The following RAI1 variants were observed in gnomAD, a reference collection of about 807,000 sequenced individuals.
RAI1 encodes the protein retinoic acid-induced protein 1.
A neutral mutation model predicts 123.8 loss-of-function variants in RAI1; 9 were observed. That is an observed-to-expected ratio of 0.07 (90% CI 0.04 to 0.13). The LOEUF (loss-of-function observed/expected upper bound fraction) is 0.13. RAI1 is among the 10% of genes least tolerant of loss of function. RAI1 has a pLI of 1.00. For missense variants in RAI1, 2,256 were observed against 2,545.8 expected, an observed-to-expected ratio of 0.89 and a Z score of 2.45; for synonymous variants, 1,231 against 1,127.3, an observed-to-expected ratio of 1.09 and a Z score of -1.84.
At chr17:17,688,045 A>G (rs955711152) in intron 1 of RAI1, among the ~76,000 whole-genome samples, 22 of 139,264 alleles carry the variant, frequency 1.6e-4, no homozygotes, top group African/African-American at 5.7e-4. Flanking sequence ...AAAAAAAAAA[A>G]AGTGAGTGTT....
chr17:17,681,954 T>G, intron 1 of RAI1, among the ~76,000 whole-genome samples, 161 bp downstream of exon 1: 1 of 148,110 alleles, frequency 6.8e-6, no homozygotes, highest in South Asian at 2.2e-4. Context: ...GGTCCTTGCT[T>G]TGTGTGGTGT....
intron 2 of RAI1, among the ~76,000 whole-genome samples, chr17:17,791,092 G>T (rs2031996055): frequency 6.6e-6 from 1 of 152,248 alleles, no homozygotes; most frequent in Non-Finnish European, 1.5e-5. Flanking sequence ...AGGGAAAGCG[G>T]CTTTGATAAG....
intron 2 of RAI1, chr17:17,770,737 A>G (rs1393330888): frequency 1.3e-5 from 2 of 152,288 alleles, no homozygotes; most frequent in Admixed American, 6.5e-5. Flanking sequence ...GGGTGCTCAC[A>G]CACCCTGCCG....
chr17:17,791,756 T>C (rs911900646), intron 2 of RAI1, among the ~76,000 whole-genome samples: 1 of 152,122 alleles, frequency 6.6e-6, no homozygotes, highest in African/African-American at 2.4e-5. Flanking sequence ...CATCCCTCTT[T>C]GAGGGGTCTT....
chr17:17,775,072 T>C (rs1446381097), intron 2 of RAI1, among the ~76,000 whole-genome samples: 1 of 152,146 alleles, frequency 6.6e-6, no homozygotes, highest in Non-Finnish European at 1.5e-5. Context: ...AAGGAAAGCA[T>C]ATTGCAGGTA....
rs550056104 is a variant in RAI1 at position 17,726,188 on chromosome 17, T to C, written c.-17+2029T>C. 1.3e-3 allele frequency among the ~76,000 whole-genome samples: 195 copies of C among 152,066 alleles called. 1 individual carries two copies. The highest frequency in any genetic ancestry group is 4.5e-3 in the African/African-American group (186 of 41,442). The stretch of plus-strand genomic sequence containing the variant: ...GAAGAGGGGTTACAAGCCAGGGCCA[T>C]CGGAAACTGGAAGGGAAGTCGCCAT... On this transcript the variant is annotated intron_variant, in intron 2 of 5. Transcript: ENST00000353383.
chr17:17,736,045 C>T (rs886450138), intron 2 of RAI1, among the ~76,000 whole-genome samples: 8 of 152,094 alleles, frequency 5.3e-5, no homozygotes, highest in South Asian at 2.1e-4. Flanking sequence ...TGTACTTGTG[C>T]GGGTGGGGCT....
In RAI1 at chr17:17,798,465, C is replaced by A. The variant is rs377747563; in HGVS notation, c.5517C>A (p.Ala1839=). 9 of 1,606,054 alleles carry A rather than the reference C, an allele frequency of 5.6e-6. No homozygotes were observed. The African/African-American group carries it at 1.2e-4, about 21-fold the overall frequency. ...AVWTGGVYLV[A]GKLFGLQEAM... ...GGACCGGCGGCGTCTACCTGGTGGC[C>A]GGGAAGCTCTTTGGGCTGCAGGAGG... is the stretch of plus-strand genomic sequence containing the variant. Residue 1839 remains alanine, a synonymous_variant, in exon 3 of 6, where the codon GCC becomes GCA. Coordinates refer to ENST00000353383, the MANE Select transcript of RAI1 (RefSeq NM_030665.4).
At chr17:17,753,594 G>T (rs1312909939) in intron 2 of RAI1, among the ~76,000 whole-genome samples, 3 of 152,158 alleles carry the variant, frequency 2.0e-5, no homozygotes, top group Admixed American at 6.5e-5. Context: ...AGCTTTGCTG[G>T]GTGCTATAAA....
Position 17,809,119 on chromosome 17 carries a change from TGAGGA to T in RAI1, c.5660-269_5660-265del. 2 of 541,830 alleles carry T rather than the reference TGAGGA, an allele frequency of 3.7e-6. No homozygotes were observed. The highest frequency in any genetic ancestry group is 6.7e-6 in the Non-Finnish European group (2 of 298,014). The allele number at this position is 541,830 out of a possible 1,614,324, so 33.6% of individuals were successfully genotyped here. On this transcript the variant is annotated intron_variant, in intron 4 of 5. Transcript: ENST00000353383. This position sits in a 1 kb window ranked among gnomAD's most constrained non-coding sequence, Gnocchi z 4.9. ...GGAGGGACTGAGGGACTGCCTCAAG[TGAGGA>T]GGGGCGGCACGTGGAACTCAGGGGG... is the stretch of plus-strand genomic sequence containing the variant.
intron 2 of RAI1, among the ~76,000 whole-genome samples, chr17:17,732,002 T>C (rs1041338936): frequency 3.4e-5 from 5 of 149,048 alleles, no homozygotes; most frequent in Non-Finnish European, 4.5e-5. Flanking sequence ...GAGGTGGTGG[T>C]GGGGGGAATA....
chr17:17,690,842 A>G (rs1246036961), intron 1 of RAI1, among the ~76,000 whole-genome samples: 2 of 152,182 alleles, frequency 1.3e-5, no homozygotes, highest in Non-Finnish European at 2.9e-5. Context: ...TCCTGTAGCA[A>G]AGTCACCCAG....
At chr17:17,729,835 C>T (rs1040615103) in intron 2 of RAI1, among the ~76,000 whole-genome samples, 2 of 152,196 alleles carry the variant, frequency 1.3e-5, no homozygotes, top group Non-Finnish European at 2.9e-5. Flanking sequence ...ACTGTCATCT[C>T]AGCATGAGCC....
chr17:17,792,899 C>G, intron 2 of RAI1, 34 bp from the exon 3 acceptor site: 2 of 460,318 alleles, frequency 4.3e-6, no homozygotes, highest in East Asian at 6.5e-5. Context: ...CTCCCTCCTT[C>G]CCTCCCTCCC....
In RAI1 at chr17:17,795,930, G is replaced by A. The variant is rs529394637; in HGVS notation, c.2982G>A (p.Arg994=). ...TCGCAAAGAAAGAGCCTGTGCCACG[G>A]GGCAAAAGCTTACGGAGCCGTCGGG... ...APIAKKEPVP[R]GKSLRSRRVH... Residue 994 remains arginine, a synonymous_variant, in exon 3 of 6, where the codon CGG becomes CGA. Coordinates refer to ENST00000353383, the MANE Select transcript of RAI1 (RefSeq NM_030665.4). This position sits in a 1 kb window ranked among gnomAD's most constrained non-coding sequence, Gnocchi z 5.9. The A allele has an allele frequency of 3.7e-6, 6 of 1,609,474 alleles. No homozygotes were observed. In the Admixed American group the frequency reaches 5.0e-5, roughly 13 times the overall value.
At chr17:17,742,415 TTGAATGAATGAA>T (rs367761123) in intron 2 of RAI1, among the ~76,000 whole-genome samples, 2 of 152,010 alleles carry the variant, frequency 1.3e-5, no homozygotes, top group African/African-American at 4.8e-5. Context: ...AGATCTTGGT[TTGAATGAATGAA>T]TGAATGAATG....
chr17:17,745,334 G>A (rs970439567), intron 2 of RAI1, among the ~76,000 whole-genome samples: 1 of 151,790 alleles, frequency 6.6e-6, no homozygotes, highest in Non-Finnish European at 1.5e-5. Context: ...CCACCAAGGG[G>A]TTCTGGATCT....
At chr17:17,737,794 C>A (rs1045597055) in intron 2 of RAI1, among the ~76,000 whole-genome samples, 8 of 152,206 alleles carry the variant, frequency 5.3e-5, no homozygotes, top group East Asian at 1.9e-4. Flanking sequence ...GCGGGGGGCC[C>A]CAGCCACCTC....
Position 17,799,749 on chromosome 17 carries a change from C to T in RAI1, c.5565+1236C>T, listed in dbSNP as rs867439225. ...GATTCAGTGACCCAGCACAGTGGCC[C>T]CAGCCGGTGGCTTCGCCCCTCCCCC... On this transcript the variant is annotated intron_variant, in intron 3 of 5. Coordinates refer to ENST00000353383, the MANE Select transcript of RAI1 (RefSeq NM_030665.4). The surrounding 1 kb of genome is among the most constrained non-coding windows in gnomAD (Gnocchi z 4.5). Among the ~76,000 whole-genome samples, 3 of 152,350 alleles carry T rather than the reference C, an allele frequency of 2.0e-5. No individual in the cohort carries two copies. The highest frequency in any genetic ancestry group is 6.8e-3 in the Middle Eastern group (2 of 294).
Sources: allele counts gnomAD v4.1 joint callset (sites outside exome capture counted in the v4.1 genomes callset), GRCh38; gene constraint gnomAD v4.1.1; non-coding constraint Gnocchi (gnomAD v3.1); transcripts MANE v1.5; gene names NCBI Gene and HGNC (gene_info 2026-07-23, HGNC 2026-07-21).